The following KCNK10 variants were observed in gnomAD, a reference collection of about 807,000 sequenced individuals.
KCNK10 encodes the protein potassium channel subfamily K member 10.
A neutral mutation model predicts 47.7 loss-of-function variants in KCNK10; 25 were observed. That is an observed-to-expected ratio of 0.52 (90% CI 0.38 to 0.73). The LOEUF is 0.73. Among genes scored for constraint, KCNK10 ranks in the 30% least tolerant of loss-of-function variants. The pLI, the probability that KCNK10 is intolerant of heterozygous loss-of-function variation, is 0.00. For missense variants in KCNK10, 563 were observed against 714.5 expected, an observed-to-expected ratio of 0.79 and a Z score of 2.42; for synonymous variants, 303 against 285.6, an observed-to-expected ratio of 1.06 and a Z score of -0.61.
chr14:88,234,956 A>G, intron 3 of KCNK10: 2 of 352,012 alleles, frequency 5.7e-6, no homozygotes, highest in South Asian at 2.2e-5. Context: ...TAAATTTCAG[A>G]AAGTATCCGA....
At position 88,323,011 on chromosome 14, in the gene KCNK10, G is replaced by T; in HGVS notation, c.-213C>A. 1 of 1,373,210 alleles carries T rather than the reference G, an allele frequency of 7.3e-7. No individual in the cohort carries two copies. The highest frequency in any genetic ancestry group is 9.4e-7 in the Non-Finnish European group (1 of 1,064,370). 85.1% of individuals were successfully genotyped at this position (1,373,210 alleles called of 1,614,324 possible). ...AGGGCTTGGGTGTTTGCACCGGCCA[G>T]GGGGTGGCCGGCCGCGGCCCCGTGG... On this transcript the variant is annotated 5_prime_UTR_variant, in exon 1 of 7. In the 5' UTR this introduces an upstream ATG that the reference lacks. Transcript: ENST00000319231.
chr14:88,319,355 C>T (rs576334598), intron 1 of KCNK10, among the ~76,000 whole-genome samples: 14 of 152,276 alleles, frequency 9.2e-5, no homozygotes, highest in African/African-American at 3.1e-4. Flanking sequence ...AGCACCTCCG[C>T]CTGAAGGGTC....
Position 88,268,366 on chromosome 14 carries a change from C to G in KCNK10, c.53-4815G>C, listed in dbSNP as rs576643227. ...GCAGCCAGGGCCCTGATCACCAACA[C>G]CCACTCCAGTTAGAGGCCTGTAGGC... On this transcript the variant is annotated intron_variant, in intron 1 of 6. Coordinates refer to ENST00000319231, the MANE Select transcript of KCNK10 (RefSeq NM_138317.3). Among the ~76,000 whole-genome samples, 22 of 152,340 alleles carry G rather than the reference C, an allele frequency of 1.4e-4. No homozygotes were observed. In the East Asian group the frequency reaches 3.5e-3, roughly 24 times the overall value.
At chr14:88,213,295 A>T (rs913289476) in intron 4 of KCNK10, among the ~76,000 whole-genome samples, 12 of 152,242 alleles carry the variant, frequency 7.9e-5, no homozygotes, top group Admixed American at 6.5e-4. Context: ...AAGAAAAAAA[A>T]AATTACGATA....
chr14:88,199,581 C>T (rs1885034336), intron 4 of KCNK10, among the ~76,000 whole-genome samples: 1 of 152,170 alleles, frequency 6.6e-6, no homozygotes, highest in South Asian at 2.1e-4. Flanking sequence ...GTCAGTAAAA[C>T]ACCCCTTGCC....
rs374630125 is a variant in KCNK10, at chr14:88,185,747, C to T, written c.1420G>A (p.Val474Ile). ...CGGAAGGTCTTGTAGATTTTCTGAA[C>T]GTCCTCGGGCAAGGTCTTTTTGAGG... ...KDLKKTLPED[V>I]QKIYKTFRNY... The change falls in exon 7 of 7, where the codon GTT (valine) becomes ATT (isoleucine). Residue 474 changes from valine (V) to isoleucine (I), a missense_variant. By Grantham distance (29) the Val-to-Ile change is conservative. Coordinates refer to ENST00000319231, the MANE Select transcript of KCNK10 (RefSeq NM_138317.3). This position sits in a 1 kb window ranked among gnomAD's most constrained non-coding sequence, Gnocchi z 4.3. 5.5e-5 allele frequency: 88 copies of T among 1,614,052 alleles called. No homozygotes were observed. The African/African-American group carries it at 8.3e-4, about 15-fold the overall frequency.
At chr14:88,238,480 G>C (rs1886359627) in intron 3 of KCNK10, among the ~76,000 whole-genome samples, 1 of 152,144 alleles carries the variant, frequency 6.6e-6, no homozygotes, top group African/African-American at 2.4e-5. Flanking sequence ...AGACCAGCCT[G>C]GGTAACATAG....
intron 1 of KCNK10, among the ~76,000 whole-genome samples, chr14:88,311,978 G>A (rs1285177063): frequency 1.3e-5 from 2 of 152,118 alleles, no homozygotes; most frequent in African/African-American, 2.4e-5. Flanking sequence ...TGCCATCAGT[G>A]CTGGCTCCTG....
chr14:88,215,740 A>G (rs911957594), intron 4 of KCNK10, among the ~76,000 whole-genome samples: 9 of 152,058 alleles, frequency 5.9e-5, no homozygotes, highest in Admixed American at 2.6e-4. Context: ...TGCCGGGGGG[A>G]AAAGAGAGAG....
intron 4 of KCNK10, among the ~76,000 whole-genome samples, chr14:88,202,193 G>T (rs955172121): frequency 6.6e-6 from 1 of 152,168 alleles, no homozygotes; most frequent in Non-Finnish European, 1.5e-5. Context: ...CCCTGGTGAC[G>T]CTCAGCCTGT....
In KCNK10 at chr14:88,183,150, T is replaced by C. The variant is rs1884426104; in HGVS notation, c.*2385A>G. 6.6e-6 allele frequency: 1 copy of C among 152,276 alleles called. No individual in the cohort carries two copies. The highest frequency in any genetic ancestry group is 2.4e-5 in the African/African-American group (1 of 41,462). The allele number at this position is 152,276 out of a possible 1,614,324, so 9.4% of individuals were successfully genotyped here. A position where few individuals can be genotyped will look rare whatever the true frequency, so the allele number is the denominator to read the frequency against. ...GACTTTGAATACCAGCTCTACCACT[T>C]TCTTGCTGTGTGCCATTGGATAAAT... On this transcript the variant is annotated 3_prime_UTR_variant, in exon 7 of 7. Transcript: ENST00000319231.
chr14:88,294,833 C>G (rs1887953440), intron 1 of KCNK10, among the ~76,000 whole-genome samples: 2 of 152,148 alleles, frequency 1.3e-5, no homozygotes, highest in Non-Finnish European at 2.9e-5. Context: ...CTTCCCCTCT[C>G]AGGTATTCTA....
At chr14:88,324,177 G>A (rs2139811471), upstream of KCNK10, among the ~76,000 whole-genome samples, 1 of 152,374 alleles carries the variant, frequency 6.6e-6, no homozygotes, top group African/African-American at 2.4e-5. Flanking sequence ...GGGCAGATGC[G>A]AAGGGACCCA....
intron 1 of KCNK10, among the ~76,000 whole-genome samples, chr14:88,318,683 A>G (rs1056172116): frequency 6.6e-6 from 1 of 152,216 alleles, no homozygotes; most frequent in Non-Finnish European, 1.5e-5. Flanking sequence ...AAGGAAGCCA[A>G]CTGGCCCCAA....
intron 3 of KCNK10, among the ~76,000 whole-genome samples, chr14:88,230,833 C>T (rs1222904961): frequency 6.6e-6 from 1 of 152,156 alleles, no homozygotes; most frequent in Non-Finnish European, 1.5e-5. Flanking sequence ...TCAGTCTTCT[C>T]ATAGATAAAA....
At chr14:88,270,979 CA>C in intron 1 of KCNK10, 1 of 628,674 alleles carries the variant, frequency 1.6e-6, no homozygotes, top group Non-Finnish European at 2.9e-6. Context: ...GCCACGCCCC[CA>C]CAAGCAACCT....
At chr14:88,325,438 A>G (rs1888640246), upstream of KCNK10, among the ~76,000 whole-genome samples, 1 of 152,172 alleles carries the variant, frequency 6.6e-6, no homozygotes, top group Non-Finnish European at 1.5e-5. Context: ...TTGTTAGATC[A>G]TTTTGCAGAA....
intron 1 of KCNK10, among the ~76,000 whole-genome samples, chr14:88,266,710 A>G (rs1193211443): frequency 6.6e-6 from 1 of 152,214 alleles, no homozygotes; most frequent in East Asian, 1.9e-4. Flanking sequence ...GATAAGGCAC[A>G]GTCCCTCCCA....
intron 1 of KCNK10, among the ~76,000 whole-genome samples, chr14:88,269,562 C>A (rs2139761169): frequency 6.6e-6 from 1 of 152,176 alleles, no homozygotes; most frequent in Middle Eastern, 3.4e-3. Context: ...CCAGCCTCCC[C>A]AGTAGCTAGG....
Sources: gnomAD v4.1 joint callset for allele counts (sites outside exome capture counted in the v4.1 genomes callset) on GRCh38, gnomAD v4.1.1 for gene constraint, Gnocchi (gnomAD v3.1) non-coding constraint, MANE v1.5 for transcripts, NCBI Gene and HGNC (gene_info 2026-07-23, HGNC 2026-07-21) for gene names.